The following DGKZ variants were observed in gnomAD, a reference collection of about 807,000 sequenced individuals.
The protein encoded by DGKZ is diacylglycerol kinase zeta, also known as DAG kinase zeta.
DGKZ carries 45 observed loss-of-function variants against 142.5 expected under a neutral mutation model. That is an observed-to-expected ratio of 0.32 (90% CI 0.25 to 0.40). The LOEUF is 0.40. Among genes scored for constraint, DGKZ ranks in the 10% least tolerant of loss-of-function variants. The pLI is 1.00. For synonymous variants in DGKZ, 442 were observed against 527.0 expected (o/e 0.84, Z 2.21); for missense variants, 755 against 1,306.5 (o/e 0.58, Z 6.51).
At chr11:46,373,096 G>C in exon 14 of DGKZ, 1 of 1,543,300 alleles carries the variant, frequency 6.5e-7, no homozygotes, top group South Asian at 1.2e-5. Context: ...AGGCGCCACC[G>C]ACCGGGTAAG....
chr11:46,358,404 C>T (rs1325460303), intron 1 of DGKZ, among the ~76,000 whole-genome samples: 1 of 152,060 alleles, frequency 6.6e-6, no homozygotes, highest in Non-Finnish European at 1.5e-5. Flanking sequence ...GTAAGCTGTA[C>T]TAGATGCTTT....
upstream of DGKZ, among the ~76,000 whole-genome samples, chr11:46,346,304 C>T (rs945700122): frequency 6.6e-6 from 1 of 152,168 alleles, no homozygotes; most frequent in Non-Finnish European, 1.5e-5. Flanking sequence ...GGCGTGCACA[C>T]AGAAGTAGTG....
At chr11:46,333,772 AC>A in intron 1 of DGKZ, among the ~76,000 whole-genome samples, 1 of 151,930 alleles carries the variant, frequency 6.6e-6, no homozygotes, top group Non-Finnish European at 1.5e-5. Flanking sequence ...GTTCTTACAA[AC>A]CTCTATCTGC....
chr11:46,358,070 C>T (rs1356773010), intron 1 of DGKZ, among the ~76,000 whole-genome samples: 1 of 152,158 alleles, frequency 6.6e-6, no homozygotes, highest in East Asian at 1.9e-4. Flanking sequence ...TGCCCTGACC[C>T]ATTTCAGGGA....
At chr11:46,354,356 T>TTTGC (rs1393034654) in intron 1 of DGKZ, among the ~76,000 whole-genome samples, 1 of 152,054 alleles carries the variant, frequency 6.6e-6, no homozygotes, top group Non-Finnish European at 1.5e-5. Flanking sequence ...CGGGCTCATT[T>TTTGC]TTTCTTTCTT....
exon 4 of DGKZ, chr11:46,368,055 G>A (rs776686720): frequency 8.1e-6 from 13 of 1,613,972 alleles, no homozygotes; most frequent in South Asian, 7.7e-5. Context: ...TGGTGCACAC[G>A]CCCTGCATCG....
At chr11:46,375,825 C>T (rs751551234) in intron 20 of DGKZ, 26 bp from the exon 21 acceptor site, 1 of 1,549,184 alleles carries the variant, frequency 6.5e-7, no homozygotes, top group South Asian at 1.2e-5. Flanking sequence ...CTTGCTGAGC[C>T]CCCGCTTGCC....
At chr11:46,373,291 T>TCG (rs920003985) in intron 14 of DGKZ, among the ~76,000 whole-genome samples, 190 bp downstream of exon 14, 1 of 141,586 alleles carries the variant, frequency 7.1e-6, no homozygotes, top group African/African-American at 2.7e-5. Context: ...TTTTGTTTTT[T>TCG]TTTTTTTTTT....
intron 1 of DGKZ, among the ~76,000 whole-genome samples, chr11:46,334,322 G>A (rs1388630471): frequency 6.6e-6 from 1 of 152,190 alleles, no homozygotes; most frequent in African/African-American, 2.4e-5. Flanking sequence ...TCAAGCCCTT[G>A]GCCCAGAGTG....
At chr11:46,366,955 C>T (rs574714907) in intron 1 of DGKZ, 14 of 1,536,948 alleles carry the variant, frequency 9.1e-6, no homozygotes, top group Middle Eastern at 2.2e-4. Flanking sequence ...GCAAGGCGGC[C>T]GGACCCCAGG....
At chr11:46,354,061 C>T (rs921713940) in intron 1 of DGKZ, among the ~76,000 whole-genome samples, 8 of 152,224 alleles carry the variant, frequency 5.3e-5, no homozygotes, top group African/African-American at 1.9e-4. Flanking sequence ...CCACCACCCA[C>T]CCACCTCTGG....
chr11:46,350,256 G>C (rs1941202480), intron 1 of DGKZ, among the ~76,000 whole-genome samples: 1 of 152,178 alleles, frequency 6.6e-6, no homozygotes, highest in African/African-American at 2.4e-5. Flanking sequence ...GACTTGATGG[G>C]GCCAAGGGGT....
chr11:46,379,744 A>C, intron 30 of DGKZ, 87 bp from the exon 31 acceptor site: 1 of 1,379,418 alleles, frequency 7.2e-7, no homozygotes, highest in Non-Finnish European at 9.8e-7. Context: ...TGACCAGGCC[A>C]CAGGGAGGTA....
Position 46,379,758 on chromosome 11 carries a change from C to T in DGKZ, c.2689-73C>T, listed in dbSNP as rs1046354159. On this transcript the variant is annotated intron_variant, in intron 30 of 30. Transcript: ENST00000527911. Reference sequence around the variant, plus strand: ...CTGACCAGGCCACAGGGAGGTAGAGCCCCTGCCTCTCAGCCTGCTAGGGGT... The same window carrying T: ...CTGACCAGGCCACAGGGAGGTAGAGTCCCTGCCTCTCAGCCTGCTAGGGGT... The T allele has an allele frequency of 7.0e-6, 10 of 1,437,686 alleles. No individual in the cohort carries two copies. The Admixed American group carries it at 9.3e-5, about 13-fold the overall frequency. 89.1% of individuals were successfully genotyped at this position (1,437,686 alleles called of 1,614,324 possible). A position where few individuals can be genotyped will look rare whatever the true frequency, so the allele number is the denominator to read the frequency against.
At chr11:46,341,395 C>A (rs1221449830) in intron 1 of DGKZ, among the ~76,000 whole-genome samples, 1 of 152,190 alleles carries the variant, frequency 6.6e-6, no homozygotes, top group African/African-American at 2.4e-5. Context: ...CAAAAGTGAG[C>A]ATCATAGGTA....
intron 1 of DGKZ, chr11:46,365,629 A>G: frequency 5.1e-6 from 5 of 985,348 alleles, no homozygotes; most frequent in Non-Finnish European, 6.0e-6. Context: ...GCCTGACCCC[A>G]AGGCTATGGG....
At chr11:46,343,955 CTTT>C (rs36078017), upstream of DGKZ, among the ~76,000 whole-genome samples, 1 of 144,878 alleles carries the variant, frequency 6.9e-6, no homozygotes, top group Non-Finnish European at 1.5e-5. Context: ...TATAGCACAT[CTTT>C]TTTTTTTTTT....
intron 1 of DGKZ, among the ~76,000 whole-genome samples, chr11:46,359,581 G>A (rs1398824289): frequency 6.6e-6 from 1 of 151,708 alleles, no homozygotes; most frequent in Non-Finnish European, 1.5e-5. Flanking sequence ...TCATTGACGT[G>A]GTTTTATATT....
Position 46,375,455 on chromosome 11 carries a change from C to T in DGKZ, c.1734C>T (p.His578=), listed in dbSNP as rs948249513. Residue 578 remains histidine (H), a synonymous_variant, in exon 20 of 31, where the codon CAC becomes CAT. Coordinates refer to ENST00000527911, the Ensembl canonical transcript of DGKZ. ...AGGCCGCGCTGCAGGTGGGCGGACA[C>T]GGCGAGCGGCTGACGCAGTGTCGCG... 57 of 1,579,200 alleles carry T rather than the reference C, an allele frequency of 3.6e-5. No individual in the cohort carries two copies. The highest frequency in any genetic ancestry group is 1.5e-4 in the African/African-American group (11 of 74,590).
Sources: allele counts gnomAD v4.1 joint callset (sites outside exome capture counted in the v4.1 genomes callset), GRCh38; gene constraint gnomAD v4.1.1; transcripts MANE v1.5; gene names NCBI Gene and HGNC (gene_info 2026-07-23, HGNC 2026-07-21).